UHRF2: variants seen among roughly 807,000 people sequenced by gnomAD.
The protein encoded by UHRF2 is ubiquitin like with PHD and ring finger domains 2.
UHRF2 carries 23 observed loss-of-function variants against 96.8 expected under a neutral mutation model. That is an observed-to-expected ratio of 0.24 (90% CI 0.17 to 0.34). UHRF2 has a LOEUF of 0.34. Ranked by LOEUF, UHRF2 falls within the 10% of genes least tolerant of loss-of-function variation. The pLI, the probability that UHRF2 is intolerant of heterozygous loss-of-function variation, is 1.00. For synonymous variants in UHRF2, 385 were observed against 332.6 expected, an observed-to-expected ratio of 1.16 and a Z score of -1.72; for missense variants, 685 against 981.5, an observed-to-expected ratio of 0.70 and a Z score of 4.04.
At chr9:6,453,281 C>A (rs1281549911) in intron 3 of UHRF2, among the ~76,000 whole-genome samples, 1 of 152,104 alleles carries the variant, frequency 6.6e-6, no homozygotes, top group Non-Finnish European at 1.5e-5. Context: ...TCTTTCCATT[C>A]TGGGTATTTA....
chr9:6,460,304 A>G (rs184573023), intron 3 of UHRF2, among the ~76,000 whole-genome samples: 2 of 152,176 alleles, frequency 1.3e-5, no homozygotes, highest in Non-Finnish European at 2.9e-5. Flanking sequence ...TACTTGCCTG[A>G]CAACCTGCAA....
intron 4 of UHRF2, among the ~76,000 whole-genome samples, chr9:6,473,088 C>G (rs555909674): frequency 6.6e-6 from 1 of 152,242 alleles, no homozygotes; most frequent in African/African-American, 2.4e-5. Context: ...CTGAAAGAAA[C>G]TCCTGGCTGG....
At position 6,453,110 on chromosome 9, in the gene UHRF2, A is replaced by AAT. The variant is rs1234559305; in HGVS notation, c.645-7455_645-7454dup. 2.6e-5 allele frequency among the ~76,000 whole-genome samples: 4 copies of AAT among 152,318 alleles called. No homozygotes were observed. In the South Asian group the frequency reaches 6.2e-4, roughly 24 times the overall value. ...TATGTATGTGTATGAGTACAGATAG[A>AAT]ATATATATAATCCACTATATAATTC... is the stretch of plus-strand genomic sequence containing the variant. On this transcript the variant is annotated intron_variant, in intron 3 of 15. Transcript: ENST00000276893.
intron 8 of UHRF2, among the ~76,000 whole-genome samples, chr9:6,482,321 CT>C (rs1051415487): frequency 3.9e-5 from 6 of 152,120 alleles, no homozygotes; most frequent in African/African-American, 1.4e-4. Context: ...TTTTACTGTT[CT>C]GTTATAGTTG....
chr9:6,416,828 A>C (rs1239991975), intron 1 of UHRF2, among the ~76,000 whole-genome samples: 1 of 152,106 alleles, frequency 6.6e-6, no homozygotes, highest in Non-Finnish European at 1.5e-5. Flanking sequence ...CGCCCGGCCT[A>C]AATCTTTTGA....
intron 6 of UHRF2, among the ~76,000 whole-genome samples, chr9:6,479,766 A>T (rs1007063764): frequency 6.6e-6 from 1 of 152,120 alleles, no homozygotes; most frequent in Admixed American, 6.6e-5. Flanking sequence ...TCATGCCAAA[A>T]AGCTAAACTT....
chr9:6,468,300 T>A (rs1285267244), intron 4 of UHRF2: 42 of 364,058 alleles, frequency 1.2e-4, no homozygotes, highest in South Asian at 8.2e-4. Flanking sequence ...CTTGAATTTG[T>A]GACATTTATT....
chr9:6,425,317 A>T (rs1334065801), intron 2 of UHRF2, among the ~76,000 whole-genome samples: 1 of 152,036 alleles, frequency 6.6e-6, no homozygotes, highest in Non-Finnish European at 1.5e-5. Context: ...CCTTTGACAT[A>T]CCCCCATTAT....
chr9:6,455,019 C>G (rs572710422), intron 3 of UHRF2, among the ~76,000 whole-genome samples: 2 of 152,336 alleles, frequency 1.3e-5, no homozygotes, highest in African/African-American at 4.8e-5. Flanking sequence ...AGAACCACTG[C>G]TGTAGTAGCC....
chr9:6,445,130 T>TTA (rs1821410794), intron 3 of UHRF2, among the ~76,000 whole-genome samples: 12 of 114,148 alleles, frequency 1.1e-4, no homozygotes, highest in South Asian at 3.3e-4. Context: ...ATCTCTTATT[T>TTA]AAAAAAAAAA....
intron 6 of UHRF2, among the ~76,000 whole-genome samples, chr9:6,478,983 C>T (rs1042463550): frequency 1.3e-5 from 2 of 152,128 alleles, no homozygotes; most frequent in Non-Finnish European, 2.9e-5. Context: ...GCTCTTTCAC[C>T]TGCTCTCACA....
At chr9:6,477,338 A>G (rs1823641227) in intron 5 of UHRF2, among the ~76,000 whole-genome samples, 1 of 152,018 alleles carries the variant, frequency 6.6e-6, no homozygotes, top group Non-Finnish European at 1.5e-5. Flanking sequence ...CAGCCTGACC[A>G]ACATGGAGAA....
intron 9 of UHRF2, among the ~76,000 whole-genome samples, chr9:6,487,446 A>T (rs1029268043): frequency 6.6e-6 from 1 of 152,058 alleles, no homozygotes; most frequent in Non-Finnish European, 1.5e-5. Flanking sequence ...GGCTTACTGC[A>T]ATCTCCTCCT....
At chr9:6,481,343 A>G (rs550680211) in intron 6 of UHRF2, among the ~76,000 whole-genome samples, 6 of 152,234 alleles carry the variant, frequency 3.9e-5, no homozygotes, top group Non-Finnish European at 7.4e-5. Context: ...TCAAATTTCT[A>G]TTCTCAGGGT....
intron 4 of UHRF2, among the ~76,000 whole-genome samples, chr9:6,462,240 T>C (rs1285474585): frequency 2.0e-5 from 3 of 152,108 alleles, no homozygotes; most frequent in Middle Eastern, 3.4e-3. Flanking sequence ...GTTGAATAAT[T>C]GCAACTGAGA....
Position 6,482,374 on chromosome 9 carries a change from C to G in UHRF2, c.1392+275C>G, listed in dbSNP as rs148583564. On this transcript the variant is annotated intron_variant, in intron 8 of 15. Coordinates refer to ENST00000276893, the MANE Select transcript of UHRF2 (RefSeq NM_152896.3). ...TGTTAAGCTTTCTAAACAGCCTTTCCTGCCAAAAATTTAGCATTTGAAATA... is the reference window on the plus strand; with the variant it reads ...TGTTAAGCTTTCTAAACAGCCTTTCGTGCCAAAAATTTAGCATTTGAAATA... 5.1e-3 allele frequency among the ~76,000 whole-genome samples: 778 copies of G among 152,224 alleles called. 1 individual carries two copies. The highest frequency in any genetic ancestry group is 0.018 in the African/African-American group (733 of 41,536).
At chr9:6,495,345 G>A (rs1824903987) in intron 10 of UHRF2, 1 of 152,200 alleles carries the variant, frequency 6.6e-6, no homozygotes, top group Non-Finnish European at 1.5e-5. Flanking sequence ...AATTATCAGA[G>A]AGACTTTAAC....
intron 4 of UHRF2, among the ~76,000 whole-genome samples, chr9:6,469,693 C>T (rs1055889048): frequency 2.7e-5 from 4 of 147,236 alleles, no homozygotes; most frequent in South Asian, 4.2e-4. Flanking sequence ...TATATATACA[C>T]GTATATACAT....
Position 6,506,291 on chromosome 9 carries a change from G to T in UHRF2, c.*112G>T. 21 of 1,387,064 alleles carry T rather than the reference G, an allele frequency of 1.5e-5. No individual in the cohort carries two copies. Among genetic ancestry groups the T allele is most frequent in the Non-Finnish European group, 2.0e-5 (20 of 1,022,796 alleles). The allele number at this position is 1,387,064 out of a possible 1,614,324, so 85.9% of individuals were successfully genotyped here. On this transcript the variant is annotated 3_prime_UTR_variant, in exon 16 of 16. Coordinates refer to ENST00000276893, the MANE Select transcript of UHRF2 (RefSeq NM_152896.3). ...ACTGTATCTCTCACGTTCTGAAGCA[G>T]CTAATCCTCTTTCCCACATAGCCAT...
Sources: allele counts gnomAD v4.1 joint callset (sites outside exome capture counted in the v4.1 genomes callset), GRCh38; gene constraint gnomAD v4.1.1; transcripts MANE v1.5; gene names NCBI Gene and HGNC (gene_info 2026-07-23, HGNC 2026-07-21).